The following CELF4 variants were observed in gnomAD, a reference collection of about 807,000 sequenced individuals.
CELF4 encodes the protein CUGBP Elav-like family member 4.
In CELF4, 18 loss-of-function variants were observed where a neutral mutation model predicts 59.9. The ratio of observed to expected loss-of-function variants is 0.30; its 90% CI spans 0.21 to 0.45. The LOEUF (loss-of-function observed/expected upper bound fraction) is 0.45. CELF4 is among the 20% of genes least tolerant of loss of function. The pLI is 1.00. For synonymous variants in CELF4, 261 were observed against 267.1 expected (o/e 0.98, Z 0.22); for missense variants, 456 against 689.0 (o/e 0.66, Z 3.79).
intron 2 of CELF4, among the ~76,000 whole-genome samples, chr18:37,340,303 G>C (rs1172291653): frequency 2.0e-5 from 3 of 152,254 alleles, no homozygotes; most frequent in Admixed American, 6.5e-5. Context: ...GCCTTTGCCA[G>C]CTGGGCTGGG....
At chr18:37,275,399 G>GGGGGCGGGGCTTAGTC (rs2092969040) in intron 3 of CELF4, among the ~76,000 whole-genome samples, 156 bp from the exon 4 acceptor site, 1 of 147,882 alleles carries the variant, frequency 6.8e-6, no homozygotes, top group Non-Finnish European at 1.5e-5. Flanking sequence ...GGAGGGGGAC[G>GGGGGCGGGGCTTAGTC]GGGGCGGGGC....
intron 7 of CELF4, among the ~76,000 whole-genome samples, chr18:37,271,225 C>CTGTAACCACACTT (rs1212005167): frequency 6.7e-6 from 1 of 149,640 alleles, no homozygotes; most frequent in African/African-American, 2.5e-5. Context: ...GTGCCCTTGA[C>CTGTAACCACACTT]TGTAACCACA....
chr18:37,337,250 T>C (rs1192475468), intron 2 of CELF4, among the ~76,000 whole-genome samples: 1 of 151,986 alleles, frequency 6.6e-6, no homozygotes, highest in East Asian at 1.9e-4. Context: ...GAGAGGAGGA[T>C]GTGGTGGGGA....
intron 2 of CELF4, among the ~76,000 whole-genome samples, chr18:37,371,186 C>T (rs2098866487): frequency 6.6e-6 from 1 of 152,200 alleles, no homozygotes; most frequent in Non-Finnish European, 1.5e-5. Context: ...TGTTTTTCTG[C>T]CATCTAAGGG....
At chr18:37,559,810 T>A (rs1361497261) in intron 1 of CELF4, among the ~76,000 whole-genome samples, 1 of 152,132 alleles carries the variant, frequency 6.6e-6, no homozygotes, top group African/African-American at 2.4e-5. Flanking sequence ...CTACTATTAG[T>A]GATGATAATG....
chr18:37,284,602 C>T (rs1182629424), intron 3 of CELF4, among the ~76,000 whole-genome samples: 2 of 152,194 alleles, frequency 1.3e-5, no homozygotes, highest in Non-Finnish European at 1.5e-5. Flanking sequence ...GAACCCCTGC[C>T]GCCCCAGCCA....
chr18:37,351,827 T>C (rs1170849729), intron 2 of CELF4, among the ~76,000 whole-genome samples: 1 of 152,112 alleles, frequency 6.6e-6, no homozygotes, highest in Admixed American at 6.6e-5. Context: ...TTAGCGAGGC[T>C]GGTCTCATAC....
intron 2 of CELF4, among the ~76,000 whole-genome samples, chr18:37,410,457 A>G (rs564071265): frequency 3.1e-3 from 479 of 152,278 alleles, no homozygotes; most frequent in African/African-American, 0.011. Context: ...CCCACTCCAC[A>G]CCTGGGCTAC....
chr18:37,323,731 G>A (rs1164539508), intron 2 of CELF4, among the ~76,000 whole-genome samples: 1 of 152,150 alleles, frequency 6.6e-6, no homozygotes, highest in Non-Finnish European at 1.5e-5. Context: ...ATGCTCTCTT[G>A]GACAGATTTC....
intron 1 of CELF4, among the ~76,000 whole-genome samples, chr18:37,552,083 G>A (rs917219819): frequency 1.3e-5 from 2 of 152,224 alleles, no homozygotes; most frequent in African/African-American, 4.8e-5. Flanking sequence ...GTGGGAATCT[G>A]GCTTAGAGCC....
chr18:37,438,845 C>T (rs546431963), intron 2 of CELF4, among the ~76,000 whole-genome samples: 6 of 152,326 alleles, frequency 3.9e-5, no homozygotes, highest in African/African-American at 1.4e-4. Context: ...AGGCTTCAGG[C>T]TGCTTGCATT....
intron 10 of CELF4, among the ~76,000 whole-genome samples, chr18:37,261,299 C>T (rs2074274136): frequency 6.6e-6 from 1 of 151,686 alleles, no homozygotes; most frequent in South Asian, 2.1e-4. Flanking sequence ...ACTGCTCCAG[C>T]CCATGCTGAC....
chr18:37,258,310 C>G (rs1005898901), intron 11 of CELF4, among the ~76,000 whole-genome samples: 2 of 151,540 alleles, frequency 1.3e-5, no homozygotes, highest in African/African-American at 4.9e-5. Context: ...ACCACACCCC[C>G]GCGCCTGGTC....
chr18:37,463,807 G>GTTT (rs1027006086), intron 2 of CELF4, among the ~76,000 whole-genome samples: 1 of 152,008 alleles, frequency 6.6e-6, no homozygotes, highest in Non-Finnish European at 1.5e-5. Context: ...CAACCTGGAG[G>GTTT]TTTTTTTTCT....
intron 2 of CELF4, among the ~76,000 whole-genome samples, chr18:37,339,374 T>C (rs1034425447): frequency 6.6e-6 from 1 of 152,168 alleles, no homozygotes; most frequent in African/African-American, 2.4e-5. Context: ...TCACCAGAGC[T>C]CGGCTATGTG....
At chr18:37,518,234 C>A (rs897588550) in intron 1 of CELF4, among the ~76,000 whole-genome samples, 2 of 152,122 alleles carry the variant, frequency 1.3e-5, no homozygotes, top group Non-Finnish European at 2.9e-5. Context: ...GGCGGGCAAG[C>A]GTAATATTAC....
At chr18:37,271,400 A>G (rs2091218852) in intron 7 of CELF4, among the ~76,000 whole-genome samples, 1 of 151,970 alleles carries the variant, frequency 6.6e-6, no homozygotes, top group Non-Finnish European at 1.5e-5. Context: ...GACTACCAGC[A>G]TGCACCACCA....
rs2061901385 is a variant in CELF4, at chr18:37,245,896, T to C, written c.*45-699A>G. Among the ~76,000 whole-genome samples, 1 of 152,144 alleles carries C rather than the reference T, an allele frequency of 6.6e-6. No individual in the cohort carries two copies. The highest frequency in any genetic ancestry group is 1.5e-5 in the Non-Finnish European group (1 of 68,020). On this transcript the variant is annotated intron_variant, in intron 12 of 12. Transcript: ENST00000420428. This position sits in a 1 kb window ranked among gnomAD's most constrained non-coding sequence, Gnocchi z 4.1. ...ATACATGCCAGGGAATTTAGAGGAA[T>C]TCAGAACTTCAAGGGAGTGGATGGG...
chr18:37,418,600 G>A (rs768317816), intron 2 of CELF4, among the ~76,000 whole-genome samples: 10 of 152,260 alleles, frequency 6.6e-5, no homozygotes, highest in Non-Finnish European at 8.8e-5. Context: ...TTCTGGCTGT[G>A]TTCCTCCCAC....
Sources: gnomAD v4.1 joint callset for allele counts (sites outside exome capture counted in the v4.1 genomes callset) on GRCh38, gnomAD v4.1.1 for gene constraint, Gnocchi (gnomAD v3.1) non-coding constraint, MANE v1.5 for transcripts, NCBI Gene and HGNC (gene_info 2026-07-23, HGNC 2026-07-21) for gene names.